SLC12A6: variants seen among roughly 807,000 people sequenced by gnomAD.
The protein encoded by SLC12A6 is K-Cl cotransporter 3.
A neutral mutation model predicts 135.3 loss-of-function variants in SLC12A6; 66 were observed. The ratio of observed to expected loss-of-function variants is 0.49; its 90% CI spans 0.40 to 0.60. The LOEUF (loss-of-function observed/expected upper bound fraction) is 0.60, where lower values mean the gene tolerates loss of function less well. SLC12A6 is among the 20% of genes least tolerant of loss of function. The probability of loss-of-function intolerance (pLI) is 0.00; values close to 1 mark genes in which losing one functional copy is unlikely to be tolerated. For synonymous variants in SLC12A6, 513 were observed against 508.8 expected, an observed-to-expected ratio of 1.01 and a Z score of -0.11; for missense variants, 1,058 against 1,452.3, an observed-to-expected ratio of 0.73 and a Z score of 4.41.
chr15:34,238,833 T>C (rs1178174321), intron 20 of SLC12A6, 132 bp downstream of exon 20: 5 of 819,494 alleles, frequency 6.1e-6, no homozygotes, highest in African/African-American at 5.0e-5. Context: ...CTACCAATAG[T>C]TTTTCAGGTT....
chr15:34,256,624 C>T (rs1220640546), intron 6 of SLC12A6, among the ~76,000 whole-genome samples: 6 of 152,128 alleles, frequency 3.9e-5, no homozygotes, highest in Admixed American at 6.5e-5. Flanking sequence ...TAGGTTAGAA[C>T]CTGACTAAAG....
rs550404827 is a variant in SLC12A6 at position 34,298,134 on chromosome 15, T to C, written c.272-22745A>G. Among the ~76,000 whole-genome samples, 10 of 152,196 alleles carry C rather than the reference T, an allele frequency of 6.6e-5. No homozygotes were observed. The South Asian group carries it at 2.1e-3, about 32-fold the overall frequency. ...AAGTTCAGAGGGGAAAAATACACAA[T>C]TATGAAACAATAAAATTATTACAGT... On this transcript the variant is annotated intron_variant, in intron 2 of 25. Transcript: ENST00000354181.
intron 2 of SLC12A6, among the ~76,000 whole-genome samples, chr15:34,280,486 TA>T (rs1482003718): frequency 2.0e-5 from 3 of 152,188 alleles, no homozygotes; most frequent in East Asian, 3.9e-4. Flanking sequence ...TCCCAGTTTT[TA>T]AAAAAACCAA....
At chr15:34,261,303 A>G (rs1485391549) in intron 3 of SLC12A6, among the ~76,000 whole-genome samples, 1 of 150,774 alleles carries the variant, frequency 6.6e-6, no homozygotes. Context: ...GCCCATGAAG[A>G]CTCTTTTTTT....
rs183696226 is a variant in SLC12A6 at position 34,233,637 on chromosome 15, C to T, written c.*244G>A. ...TCTAATTTGCCTTTGACTGCTCAGA[C>T]GTGGCTTGAAAGACTTGAGCATTGT... On this transcript the variant is annotated 3_prime_UTR_variant, in exon 26 of 26. Coordinates refer to ENST00000354181, the MANE Select transcript of SLC12A6 (RefSeq NM_001365088.1). 118 of 479,306 alleles carry T rather than the reference C, an allele frequency of 2.5e-4. No homozygotes were observed. Among genetic ancestry groups the T allele is most frequent in the African/African-American group, 2.0e-3 (101 of 51,464 alleles). 29.7% of individuals were successfully genotyped at this position (479,306 alleles called of 1,614,324 possible). A position where few individuals can be genotyped will look rare whatever the true frequency, so the allele number is the denominator to read the frequency against.
intron 2 of SLC12A6, among the ~76,000 whole-genome samples, chr15:34,311,201 G>A (rs1021933437): frequency 6.6e-6 from 1 of 152,148 alleles, no homozygotes; most frequent in Non-Finnish European, 1.5e-5. Flanking sequence ...TCTGTGTCCA[G>A]TGAAGGCAAG....
At chr15:34,316,753 ACT>A (rs1255534395) in intron 2 of SLC12A6, among the ~76,000 whole-genome samples, 1 of 152,176 alleles carries the variant, frequency 6.6e-6, no homozygotes, top group Non-Finnish European at 1.5e-5. Flanking sequence ...TGATTTTAAC[ACT>A]CTCTTATAAT....
intron 2 of SLC12A6, among the ~76,000 whole-genome samples, chr15:34,298,576 T>C (rs964365872): frequency 1.3e-5 from 2 of 151,926 alleles, no homozygotes; most frequent in African/African-American, 4.8e-5. Flanking sequence ...GATTAGTTCA[T>C]GAAAAAGTAG....
intron 25 of SLC12A6, among the ~76,000 whole-genome samples, chr15:34,234,231 A>C (rs1342732234): frequency 6.6e-6 from 1 of 152,348 alleles, no homozygotes; most frequent in Non-Finnish European, 1.5e-5. Flanking sequence ...AAATAAGATA[A>C]AAATGATGAA....
chr15:34,320,988 A>G (rs942483270), intron 2 of SLC12A6, among the ~76,000 whole-genome samples: 13 of 152,142 alleles, frequency 8.5e-5, no homozygotes, highest in Non-Finnish European at 1.5e-4. Flanking sequence ...CTTCTAAAAG[A>G]GAAGGAAAGC....
intron 3 of SLC12A6, among the ~76,000 whole-genome samples, chr15:34,262,028 T>G (rs899921677): frequency 6.6e-6 from 1 of 152,210 alleles, no homozygotes; most frequent in African/African-American, 2.4e-5. Flanking sequence ...TAAATCATTC[T>G]ACCAAAAAGA....
chr15:34,249,390 T>C (rs1330305933), intron 13 of SLC12A6, among the ~76,000 whole-genome samples: 1 of 152,010 alleles, frequency 6.6e-6, no homozygotes, highest in South Asian at 2.1e-4. Context: ...TAAGGCCCCA[T>C]CTTTACAAAA....
intron 13 of SLC12A6, among the ~76,000 whole-genome samples, chr15:34,250,084 T>C (rs929681123): frequency 2.0e-5 from 3 of 152,194 alleles, no homozygotes; most frequent in Non-Finnish European, 4.4e-5. Context: ...TTTGTGCTTT[T>C]TGTAGAGACA....
intron 2 of SLC12A6, among the ~76,000 whole-genome samples, chr15:34,303,727 G>A (rs1896413544): frequency 6.6e-6 from 1 of 152,088 alleles, no homozygotes; most frequent in Non-Finnish European, 1.5e-5. Context: ...TAACAAAATA[G>A]GGAGTTTGGT....
chr15:34,275,648 C>G (rs1055327614), intron 2 of SLC12A6, among the ~76,000 whole-genome samples: 1 of 152,128 alleles, frequency 6.6e-6, no homozygotes, highest in Admixed American at 6.5e-5. Context: ...GGGACTCAAA[C>G]AGATACTTTA....
In SLC12A6 at chr15:34,275,379, C is replaced by G; in HGVS notation, c.282G>C (p.Gln94His). 1 of 1,528,114 alleles carries G rather than the reference C, an allele frequency of 6.5e-7. No homozygotes were observed. The highest frequency in any genetic ancestry group is 1.4e-5 in the African/African-American group (1 of 73,186). 94.7% of individuals were successfully genotyped at this position (1,528,114 alleles called of 1,614,324 possible). The change falls in exon 3 of 26, where the codon CAG becomes CAC. Residue 94 changes from glutamine to histidine, a missense_variant. Transcript: ENST00000354181. Reference protein sequence around the residue: ...HPQDVIEDLSQNSITGEHSQL... With the variant: ...HPQDVIEDLSHNSITGEHSQL... ...GGCTGTGTTCCCCTGTGATGGAGTT[C>G]TGACTCAGGTCTGAAAAACAAACAA... is the stretch of plus-strand genomic sequence containing the variant.
At chr15:34,295,603 T>C (rs1895826466) in intron 2 of SLC12A6, among the ~76,000 whole-genome samples, 1 of 152,206 alleles carries the variant, frequency 6.6e-6, no homozygotes, top group Non-Finnish European at 1.5e-5. Context: ...GATATACACA[T>C]TGATTTATAA....
chr15:34,256,431 T>C (rs1287860190), intron 6 of SLC12A6, 148 bp from the exon 7 acceptor site: 4 of 681,136 alleles, frequency 5.9e-6, no homozygotes, highest in Non-Finnish European at 1.1e-5. Flanking sequence ...GGAAATAAGA[T>C]GATATGGTCC....
chr15:34,242,550 A>G (rs1419530399), intron 16 of SLC12A6, among the ~76,000 whole-genome samples: 1 of 152,218 alleles, frequency 6.6e-6, no homozygotes, highest in East Asian at 1.9e-4. Flanking sequence ...CTGGAAAACC[A>G]TATAAATAAC....
Sources: gnomAD v4.1 joint callset for allele counts (sites outside exome capture counted in the v4.1 genomes callset) on GRCh38, gnomAD v4.1.1 for gene constraint, MANE v1.5 for transcripts, NCBI Gene and HGNC (gene_info 2026-07-23, HGNC 2026-07-21) for gene names.